Variants in DRP2 observed in about 807,000 individuals in gnomAD.
The protein encoded by DRP2 is dystrophin-related protein 2.
DRP2 carries 29 observed loss-of-function variants against 78.2 expected under a neutral mutation model. That is an observed-to-expected ratio of 0.37 (90% CI 0.28 to 0.51). The LOEUF (loss-of-function observed/expected upper bound fraction) is 0.51, where lower values mean the gene tolerates loss of function less well. Ranked by LOEUF, DRP2 falls within the 20% of genes least tolerant of loss-of-function variation. The pLI, the probability that DRP2 is intolerant of heterozygous loss-of-function variation, is 0.94. For missense variants in DRP2, 686 were observed against 770.6 expected (o/e 0.89, Z 1.30); for synonymous variants, 290 against 281.9 (o/e 1.03, Z -0.29).
intron 1 of DRP2, among the ~76,000 whole-genome samples, chrX:101,224,191 GTTTTTTTTTTTTTT>G (rs1167730116): frequency 2.3e-4 from 9 of 38,868 alleles, no homozygotes; most frequent in East Asian, 1.0e-3. Flanking sequence ...GGTTTTTTTT[GTTTTTTTTTTTTTT>G]TTTTTTTTTT....
chrX:101,256,685 A>T (rs973108365), intron 21 of DRP2, among the ~76,000 whole-genome samples: 8 of 103,954 alleles, frequency 7.7e-5, no homozygotes, highest in Non-Finnish European at 1.4e-4. Context: ...AGTAGCTGGG[A>T]CTACAGGCAT....
chrX:101,237,239 A>G (rs1922538363), intron 4 of DRP2, among the ~76,000 whole-genome samples: 2 of 112,000 alleles, frequency 1.8e-5, no homozygotes. Flanking sequence ...CTTGAATTCT[A>G]CCAGGGCAAG....
At chrX:101,242,068 C>A (rs1337090183) in intron 7 of DRP2, 132 bp downstream of exon 7, 45 of 881,817 alleles carry the variant, frequency 5.1e-5, no homozygotes, top group Non-Finnish European at 6.5e-5. Flanking sequence ...AGTTTATGTG[C>A]TAGATTTGGG....
In DRP2 at chrX:101,252,837, G is replaced by C. The variant is rs756379236; in HGVS notation, c.1977+121G>C. ...TCCCGTGGGGAGCATTCTCCAAGGA[G>C]CTCTGGTGATTCACTGGTTTGGGAA... On this transcript the variant is annotated intron_variant, in intron 17 of 23. Transcript: ENST00000395209. 4 of 505,812 alleles carry C rather than the reference G, an allele frequency of 7.9e-6. No homozygotes were observed. In the African/African-American group the frequency reaches 9.6e-5, roughly 12 times the overall value. 41.7% of individuals were successfully genotyped at this position (505,812 alleles called of 1,213,427 possible).
At position 101,241,765 on chromosome X, in the gene DRP2, T is replaced by C; in HGVS notation, c.657T>C (p.Cys219=). 2.5e-6 allele frequency: 3 copies of C among 1,211,738 alleles called. No individual in the cohort carries two copies. The highest frequency in any genetic ancestry group is 3.4e-6 in the Non-Finnish European group (3 of 895,503). The change falls in exon 7 of 24, where the codon TGT becomes TGC. Residue 219 remains cysteine (C), a synonymous_variant. Coordinates refer to ENST00000395209, the MANE Select transcript of DRP2 (RefSeq NM_001939.3). ...TGTGGGAGAAGTTGACAGCCCGCTG[T>C]GTGGACCAGCACCGTCACATTGAGC... is the stretch of plus-strand genomic sequence containing the variant. The part of the protein sequence containing the change: ...SELWEKLTAR[C]VDQHRHIERT...
intron 3 of DRP2, among the ~76,000 whole-genome samples, chrX:101,235,321 A>C (rs1922456141): frequency 8.9e-6 from 1 of 112,391 alleles, no homozygotes; most frequent in East Asian, 2.8e-4. Context: ...GCCAAGTTTC[A>C]TATGGGAAGT....
At chrX:101,228,102 G>A (rs1239580049) in intron 2 of DRP2, among the ~76,000 whole-genome samples, 1 of 112,108 alleles carries the variant, frequency 8.9e-6, no homozygotes, top group Non-Finnish European at 1.9e-5. Context: ...TGGGAAACTG[G>A]CACTCTCATA....
Position 101,241,747 on chromosome X carries a change from G to C in DRP2, c.639G>C (p.Glu213Asp). 1 of 1,211,830 alleles carries C rather than the reference G, an allele frequency of 8.3e-7. No homozygotes were observed. Among genetic ancestry groups the C allele is most frequent in the Non-Finnish European group, 1.1e-6 (1 of 895,574 alleles). ...KQATVASELW[E>D]KLTARCVDQH... Reference sequence around the variant, plus strand: ...CGACGGTGGCCAGTGAACTGTGGGAGAAGTTGACAGCCCGCTGTGTGGACC... The same window carrying C: ...CGACGGTGGCCAGTGAACTGTGGGACAAGTTGACAGCCCGCTGTGTGGACC... The change falls in exon 7 of 24, where the codon GAG (glutamate) becomes GAC (aspartate). Residue 213 changes from glutamate (E) to aspartate (D), a missense_variant. By Grantham distance (45) the Glu-to-Asp change is conservative. Transcript: ENST00000395209.
chrX:101,229,686 T>C (rs1216484455), intron 2 of DRP2, among the ~76,000 whole-genome samples: 1 of 111,180 alleles, frequency 9.0e-6, no homozygotes, highest in Non-Finnish European at 1.9e-5. Context: ...TTTAATTATC[T>C]GCATCATGAA....
At chrX:101,225,254 G>A (rs1216563105) in intron 2 of DRP2, among the ~76,000 whole-genome samples, 1 of 111,116 alleles carries the variant, frequency 9.0e-6, no homozygotes, top group African/African-American at 3.3e-5. Context: ...GCTTGGGCTC[G>A]CACCTGGTGG....
rs548126798 is a variant in DRP2 at position 101,237,737 on chromosome X, G to T, written c.400G>T (p.Asp134Tyr). Residue 134 changes from aspartate (D) to tyrosine (Y), a missense_variant, in exon 5 of 24, where the codon GAT becomes TAT. Physicochemically the swap from Asp to Tyr is radical, Grantham distance 160 (BLOSUM62 -3). Around this residue, in one of 2 missense-constraint regions of DRP2, gnomAD observed 263 missense variants for 239.1 expected, o/e 1.10. Transcript: ENST00000395209. ...ELSAQLPLQG[D>Y]VALVQQEKET... Reference sequence around the variant, plus strand: ...GTCAGCTCAGCTGCCCCTACAGGGGGATGTGGCCCTGGTGCAACAGGAGAA... The same window carrying T: ...GTCAGCTCAGCTGCCCCTACAGGGGTATGTGGCCCTGGTGCAACAGGAGAA... The T allele has an allele frequency of 1.1e-4, 131 of 1,163,980 alleles. No homozygotes were observed. In the South Asian group the frequency reaches 2.2e-3, roughly 19 times the overall value.
intron 1 of DRP2, among the ~76,000 whole-genome samples, chrX:101,220,966 G>A (rs761279703): frequency 9.0e-6 from 1 of 111,196 alleles, no homozygotes; most frequent in Admixed American, 9.6e-5. Flanking sequence ...TCCCAGCATC[G>A]GACCAAGTGC....
chrX:101,224,195 T>TGTTTTG (rs199766132), intron 1 of DRP2, among the ~76,000 whole-genome samples: 159 of 61,179 alleles, frequency 2.6e-3, no homozygotes, highest in African/African-American at 4.7e-3. Flanking sequence ...TTTTTTGTTT[T>TGTTTTG]TTTTTTTTTT....
intron 8 of DRP2, 36 bp downstream of exon 8, chrX:101,242,507 G>T (rs1189892225): frequency 8.4e-7 from 1 of 1,189,439 alleles, no homozygotes; most frequent in Non-Finnish European, 1.1e-6. Flanking sequence ...ATGGGGAGGT[G>T]CCTCCATATA....
intron 8 of DRP2, 48 bp from the exon 9 acceptor site, chrX:101,242,856 C>T: frequency 8.7e-7 from 1 of 1,148,570 alleles, no homozygotes. Flanking sequence ...GGATCCCACT[C>T]TAAATAGCTG....
Position 101,258,508 on chromosome X carries a change from G to A in DRP2, c.2590G>A (p.Glu864Lys). 8.4e-7 allele frequency: 1 copy of A among 1,188,773 alleles called. No individual in the cohort carries two copies. The highest frequency in any genetic ancestry group is 2.4e-5 in the Admixed American group (1 of 42,463). The change falls in exon 22 of 24, where the codon GAG (glutamate) becomes AAG (lysine). Residue 864 changes from glutamate to lysine, a missense_variant. Coordinates refer to ENST00000395209, the MANE Select transcript of DRP2 (RefSeq NM_001939.3). ...QILEDHNKQL[E>K]SQLQRLRELL... is the part of the protein sequence containing the mutation. ...CCTCGAAGATCACAACAAGCAGCTAGAGTCCCAGCTGCAGCGTCTGAGGGA... is the reference window on the plus strand; with the variant it reads ...CCTCGAAGATCACAACAAGCAGCTAAAGTCCCAGCTGCAGCGTCTGAGGGA...
At chrX:101,250,835 T>C in intron 15 of DRP2, 82 bp from the exon 16 acceptor site, 1 of 1,132,964 alleles carries the variant, frequency 8.8e-7, no homozygotes, top group African/African-American at 1.8e-5. Context: ...CTGCTGGTTC[T>C]CCTGCCCCTC....
chrX:101,224,211 T>TTG, intron 1 of DRP2, among the ~76,000 whole-genome samples: 2 of 75,850 alleles, frequency 2.6e-5, no homozygotes, highest in Admixed American at 1.5e-4. Context: ...TTTTTTTTTT[T>TTG]TTTTTTTTTT....
rs1458224112 is a variant in DRP2, at chrX:101,264,385, G to A, written c.*3764G>A. Reference sequence around the variant, plus strand: ...ACAAGGGTGGCATGGAAGTCTAGGGGACAAAGGGACAGGGTTGGGAACAAA... The same window carrying A: ...ACAAGGGTGGCATGGAAGTCTAGGGAACAAAGGGACAGGGTTGGGAACAAA... On this transcript the variant is annotated 3_prime_UTR_variant, in exon 24 of 24. Transcript: ENST00000395209. 1 of 112,015 alleles carries A rather than the reference G, an allele frequency of 8.9e-6. No homozygotes were observed. The highest frequency in any genetic ancestry group is 1.9e-5 in the Non-Finnish European group (1 of 53,233). 9.2% of individuals were successfully genotyped at this position (112,015 alleles called of 1,213,427 possible). A position where few individuals can be genotyped will look rare whatever the true frequency, so the allele number is the denominator to read the frequency against.
Sources: allele counts gnomAD v4.1 joint callset (sites outside exome capture counted in the v4.1 genomes callset), GRCh38; gene constraint gnomAD v4.1.1; regional missense constraint gnomAD v4.1.1; transcripts MANE v1.5; gene names NCBI Gene and HGNC (gene_info 2026-07-23, HGNC 2026-07-21).